The following RARB variants were observed in gnomAD, a reference collection of about 807,000 sequenced individuals.
The protein encoded by RARB is HBV-activated protein.
RARB carries 17 observed loss-of-function variants against 51.9 expected under a neutral mutation model. That is an observed-to-expected ratio of 0.33 (90% CI 0.22 to 0.49). RARB has a LOEUF of 0.49. RARB is among the 20% of genes least tolerant of loss of function. The probability of loss-of-function intolerance (pLI) is 0.99; values close to 1 mark genes in which losing one functional copy is unlikely to be tolerated. For synonymous variants in RARB, 215 were observed against 195.4 expected (o/e 1.10, Z -0.84); for missense variants, 369 against 550.8 (o/e 0.67, Z 3.30).
intron 2 of RARB, among the ~76,000 whole-genome samples, chr3:24,878,366 T>G (rs1703089741): frequency 6.6e-6 from 1 of 152,128 alleles, no homozygotes; most frequent in African/African-American, 2.4e-5. Context: ...GTTGTGATTT[T>G]TTTTTTCCCT....
chr3:24,969,087 T>A (rs186787552), intron 2 of RARB, among the ~76,000 whole-genome samples: 166 of 152,198 alleles, frequency 1.1e-3, no homozygotes, highest in African/African-American at 3.7e-3. Flanking sequence ...TCATTTAGAA[T>A]CATTCACAAA....
intron 5 of RARB, among the ~76,000 whole-genome samples, chr3:25,213,650 C>A (rs1331429713): frequency 2.0e-5 from 3 of 152,094 alleles, no homozygotes; most frequent in African/African-American, 7.2e-5. Flanking sequence ...TTTCCTTAAG[C>A]CCAAAACAGC....
intron 2 of RARB, among the ~76,000 whole-genome samples, chr3:25,018,705 A>G (rs913901132): frequency 3.9e-5 from 6 of 152,264 alleles, no homozygotes; most frequent in African/African-American, 1.4e-4. Context: ...GGAAAACTCA[A>G]TTTTACATCT....
intron 2 of RARB, among the ~76,000 whole-genome samples, chr3:24,896,471 G>T (rs1378339101): frequency 6.6e-6 from 1 of 152,096 alleles, no homozygotes; most frequent in Non-Finnish European, 1.5e-5. Flanking sequence ...GTGTTAGCCA[G>T]GATGGTCTCG....
At chr3:25,200,000 A>G (rs1248675000) in intron 5 of RARB, among the ~76,000 whole-genome samples, 1 of 152,186 alleles carries the variant, frequency 6.6e-6, no homozygotes, top group Non-Finnish European at 1.5e-5. Flanking sequence ...TTCTAGTTCT[A>G]GATCCCTGAG....
chr3:24,897,058 T>C (rs1055081072), intron 2 of RARB, among the ~76,000 whole-genome samples: 14 of 152,210 alleles, frequency 9.2e-5, no homozygotes, highest in African/African-American at 3.1e-4. Flanking sequence ...TTGGCATCCC[T>C]GAAGTCTGTC....
rs9847214 is a variant in RARB at position 25,332,293 on chromosome 3, T to G, written c.179-128900T>G. Among the ~76,000 whole-genome samples, 261 of 152,264 alleles carry G rather than the reference T, an allele frequency of 1.7e-3. 1 individual carries two copies. Among genetic ancestry groups the G allele is most frequent in the African/African-American group, 5.9e-3 (244 of 41,550 alleles). ...AATCCTCAATAAAATACTGGCAAAC[T>G]GAATCCAGCAGCACATCAAAAAGGT... On this transcript the variant is annotated intron_variant, in intron 5 of 11. Coordinates refer to the RARB transcript ENST00000383772.
chr3:25,435,830 G>A (rs1256289818), intron 1 of RARB, among the ~76,000 whole-genome samples: 1 of 152,154 alleles, frequency 6.6e-6, no homozygotes. Context: ...ACAGTTTAAT[G>A]ATGAAACATT....
chr3:25,575,914 G>A (rs773530503), intron 4 of RARB, among the ~76,000 whole-genome samples: 5 of 152,128 alleles, frequency 3.3e-5, no homozygotes, highest in African/African-American at 4.8e-5. Flanking sequence ...CATGCTTGCC[G>A]CTCTCTGCAA....
At chr3:25,169,381 A>T (rs1700607327) in intron 4 of RARB, among the ~76,000 whole-genome samples, 1 of 152,236 alleles carries the variant, frequency 6.6e-6, no homozygotes, top group African/African-American at 2.4e-5. Context: ...TTCATTTATC[A>T]CATGACATGC....
intron 2 of RARB, among the ~76,000 whole-genome samples, chr3:24,927,538 G>C (rs756996521): frequency 1.3e-5 from 2 of 151,896 alleles, no homozygotes; most frequent in Non-Finnish European, 2.9e-5. Flanking sequence ...TTAAAAATTT[G>C]GGTATCTTCA....
intron 5 of RARB, among the ~76,000 whole-genome samples, chr3:25,583,143 T>C (rs11917304): frequency 0.18 from 26,822 of 152,082 alleles, 2,772 homozygotes; most frequent in African/African-American, 0.29. Context: ...CCAGACAAAG[T>C]TCGAAGGAAT....
intron 3 of RARB, among the ~76,000 whole-genome samples, chr3:25,063,782 G>C (rs907378774): frequency 2.0e-5 from 3 of 151,516 alleles, no homozygotes; most frequent in Non-Finnish European, 4.4e-5. Context: ...GTTACCACGG[G>C]TTATATTTTC....
chr3:25,398,716 C>A (rs371435491), intron 5 of RARB, among the ~76,000 whole-genome samples: 23 of 152,010 alleles, frequency 1.5e-4, no homozygotes, highest in African/African-American at 5.6e-4. Context: ...GAAGTGATAT[C>A]CTAAAGCACA....
intron 2 of RARB, among the ~76,000 whole-genome samples, chr3:25,047,518 G>A (rs1466067643): frequency 6.6e-6 from 1 of 152,188 alleles, no homozygotes; most frequent in African/African-American, 2.4e-5. Flanking sequence ...GGATGTCATA[G>A]CAAATGTCAA....
chr3:25,495,268 C>A (rs1260253687), intron 2 of RARB, among the ~76,000 whole-genome samples: 1 of 152,140 alleles, frequency 6.6e-6, no homozygotes, highest in Non-Finnish European at 1.5e-5. Context: ...TGGCCTAACC[C>A]AATTCCATAT....
chr3:25,570,203 G>C (rs143920759), intron 4 of RARB, among the ~76,000 whole-genome samples: 1 of 152,234 alleles, frequency 6.6e-6, no homozygotes, highest in Admixed American at 6.5e-5. Context: ...CTATACGACA[G>C]GCTGTGTTCT....
At chr3:25,412,238 A>G (rs1386495194) in intron 5 of RARB, among the ~76,000 whole-genome samples, 1 of 152,158 alleles carries the variant, frequency 6.6e-6, no homozygotes, top group East Asian at 1.9e-4. Flanking sequence ...TCTCGTCCTT[A>G]TCCTGCACTT....
intron 3 of RARB, among the ~76,000 whole-genome samples, chr3:25,072,065 G>T (rs1698777792): frequency 1.3e-5 from 2 of 152,214 alleles, no homozygotes; most frequent in South Asian, 4.1e-4. Flanking sequence ...TATCTTGAAG[G>T]ATTCTCGTTT....
Sources: gnomAD v4.1 joint callset for allele counts (sites outside exome capture counted in the v4.1 genomes callset) on GRCh38, gnomAD v4.1.1 for gene constraint, MANE v1.5 for transcripts, NCBI Gene and HGNC (gene_info 2026-07-23, HGNC 2026-07-21) for gene names.